GSK3B: variants seen among roughly 807,000 people sequenced by gnomAD.
The protein encoded by GSK3B is glycogen synthase kinase 3 beta.
Under a neutral mutation model 56.4 loss-of-function variants are expected in GSK3B, and 15 were observed. The observed-to-expected ratio is 0.27, with a 90% CI of 0.18 to 0.41. GSK3B has a LOEUF of 0.41. Ranked by LOEUF, GSK3B falls within the 10% of genes least tolerant of loss-of-function variation. GSK3B has a pLI of 1.00. For synonymous variants in GSK3B, 181 were observed against 188.9 expected (o/e 0.96, Z 0.34); for missense variants, 300 against 513.4 (o/e 0.58, Z 4.02).
At chr3:119,882,632 C>A (rs1336350371) in intron 7 of GSK3B, among the ~76,000 whole-genome samples, 2 of 152,138 alleles carry the variant, frequency 1.3e-5, no homozygotes, top group Non-Finnish European at 1.5e-5. Context: ...ATGTTTTTTA[C>A]ATACCTTGAA....
chr3:120,060,661 G>A (rs1576302868), intron 1 of GSK3B, among the ~76,000 whole-genome samples: 1 of 152,144 alleles, frequency 6.6e-6, no homozygotes, highest in African/African-American at 2.4e-5. Context: ...GGGAGATAAA[G>A]AATGCAGTGA....
rs141933496 is a variant in GSK3B, at chr3:119,823,518, G to GGA, written c.*3268_*3269dup. ...ATTTGGGAGGGAAGTAGATAAAAGA[G>GGA]GAGAGAGAGAGAGCATGGAAGGCTC... On this transcript the variant is annotated 3_prime_UTR_variant, in exon 11 of 11. Coordinates refer to ENST00000264235, the MANE Select transcript of GSK3B (RefSeq NM_001146156.2). The GGA allele has an allele frequency of 0.015, 2,770 of 189,438 alleles. 75 individuals are homozygous for GGA. The highest frequency in any genetic ancestry group is 0.06 in the African/African-American group (2,571 of 42,950). The allele number at this position is 189,438 out of a possible 1,614,324, so 11.7% of individuals were successfully genotyped here.
At position 119,830,546 on chromosome 3, in the gene GSK3B, G is replaced by A. The variant is rs562678550; in HGVS notation, c.1196-3691C>T. 2.0e-5 allele frequency among the ~76,000 whole-genome samples: 3 copies of A among 152,126 alleles called. No individual in the cohort carries two copies. The South Asian group carries it at 6.2e-4, about 32-fold the overall frequency. On this transcript the variant is annotated intron_variant, in intron 10 of 10. Transcript: ENST00000264235. ...TTACTTCTCCTTACATTCCCTTCCC[G>A]TTACATATGCACTGGTAAAGTGACG...
chr3:119,979,944 G>A (rs904466660), intron 2 of GSK3B, among the ~76,000 whole-genome samples: 6 of 152,024 alleles, frequency 3.9e-5, no homozygotes, highest in Admixed American at 1.3e-4. Flanking sequence ...TGTTCTTCAA[G>A]GGCCTCACCT....
At chr3:119,973,505 A>G (rs892379744) in intron 2 of GSK3B, among the ~76,000 whole-genome samples, 4 of 152,166 alleles carry the variant, frequency 2.6e-5, no homozygotes, top group African/African-American at 9.7e-5. Context: ...TCCTACTGGC[A>G]TATGGTTAGA....
rs1449906106 is a variant in GSK3B at position 120,026,548 on chromosome 3, CACACAA to C, written c.89-24315_89-24310del. 3.6e-3 allele frequency among the ~76,000 whole-genome samples: 491 copies of C among 137,446 alleles called. 2 individuals carry two copies. The highest frequency in any genetic ancestry group is 0.014 in the African/African-American group (442 of 31,310). The allele number at this position is 137,446 out of a possible 152,430, so 90.2% of individuals were successfully genotyped here. Reference sequence around the variant, plus strand: ...ACACACACACACACACACACACACACACACAAACACACACACACTCTTTTTTTTTTT... The same window carrying C: ...ACACACACACACACACACACACACACACACACACACACTCTTTTTTTTTTT... On this transcript the variant is annotated intron_variant, in intron 1 of 10. Transcript: ENST00000264235.
intron 4 of GSK3B, among the ~76,000 whole-genome samples, chr3:119,917,660 T>C (rs1246117744): frequency 1.5e-5 from 2 of 133,998 alleles, no homozygotes; most frequent in Non-Finnish European, 3.1e-5. Context: ...ACGAGTTTTC[T>C]TTTTTTTTTT....
At chr3:120,056,187 T>C (rs1423895936) in intron 1 of GSK3B, among the ~76,000 whole-genome samples, 2 of 152,258 alleles carry the variant, frequency 1.3e-5, no homozygotes, top group African/African-American at 4.8e-5. Flanking sequence ...TCATTAAAAA[T>C]GTTAACATGT....
chr3:120,005,268 G>A (rs985392414), intron 1 of GSK3B, among the ~76,000 whole-genome samples: 1 of 152,046 alleles, frequency 6.6e-6, no homozygotes, highest in African/African-American at 2.4e-5. Context: ...CAAGAAATAC[G>A]GCATTATGTG....
chr3:120,024,824 A>G (rs779828681), intron 1 of GSK3B, among the ~76,000 whole-genome samples: 7 of 152,110 alleles, frequency 4.6e-5, no homozygotes, highest in Non-Finnish European at 4.4e-5. Context: ...GAGGGAAGCA[A>G]TGGAGTGGGA....
intron 1 of GSK3B, among the ~76,000 whole-genome samples, chr3:120,045,970 C>T (rs2058099053): frequency 6.6e-6 from 1 of 152,092 alleles, no homozygotes; most frequent in Non-Finnish European, 1.5e-5. Flanking sequence ...AGTGAAAGAA[C>T]CACGTCTAAA....
At chr3:119,827,378 A>G (rs953522555) in intron 10 of GSK3B, among the ~76,000 whole-genome samples, 1 of 148,636 alleles carries the variant, frequency 6.7e-6, no homozygotes, top group African/African-American at 2.6e-5. Context: ...CAGCAACTGC[A>G]GTACCAATTC....
intron 2 of GSK3B, among the ~76,000 whole-genome samples, chr3:119,985,087 A>C (rs1164595809): frequency 6.6e-6 from 1 of 152,182 alleles, no homozygotes; most frequent in Non-Finnish European, 1.5e-5. Context: ...CAAAGACAAA[A>C]ACCACATGAT....
intron 3 of GSK3B, among the ~76,000 whole-genome samples, chr3:119,944,085 G>A (rs1327673620): frequency 6.6e-6 from 1 of 152,148 alleles, no homozygotes; most frequent in Non-Finnish European, 1.5e-5. Flanking sequence ...TGCATTTTAA[G>A]TCATCTATTC....
intron 2 of GSK3B, among the ~76,000 whole-genome samples, chr3:119,974,401 G>A (rs1487597510): frequency 6.6e-6 from 1 of 152,074 alleles, no homozygotes; most frequent in Non-Finnish European, 1.5e-5. Flanking sequence ...ATCATGCTAT[G>A]AGGACTCTGA....
At chr3:119,887,475 T>C (rs572855355) in intron 7 of GSK3B, among the ~76,000 whole-genome samples, 5 of 151,936 alleles carry the variant, frequency 3.3e-5, no homozygotes, top group South Asian at 2.1e-4. Flanking sequence ...CAAATGGAAA[T>C]TGTACAGTTA....
intron 1 of GSK3B, among the ~76,000 whole-genome samples, chr3:120,050,534 G>A (rs1274152709): frequency 6.6e-5 from 10 of 152,204 alleles, no homozygotes; most frequent in Non-Finnish European, 8.8e-5. Flanking sequence ...TAGACTTGAA[G>A]AATGACTACT....
At chr3:119,884,041 C>G (rs549585557) in intron 7 of GSK3B, among the ~76,000 whole-genome samples, 4 of 152,184 alleles carry the variant, frequency 2.6e-5, no homozygotes, top group Non-Finnish European at 4.4e-5. Context: ...GTGGCTGTGA[C>G]AGTGTATAAC....
At chr3:120,080,035 C>T (rs1460885102) in intron 1 of GSK3B, among the ~76,000 whole-genome samples, 1 of 152,164 alleles carries the variant, frequency 6.6e-6, no homozygotes, top group East Asian at 1.9e-4. Context: ...TGGCACACAC[C>T]TGCAATCCCA....
Sources: allele counts gnomAD v4.1 joint callset (sites outside exome capture counted in the v4.1 genomes callset), GRCh38; gene constraint gnomAD v4.1.1; transcripts MANE v1.5; gene names NCBI Gene and HGNC (gene_info 2026-07-23, HGNC 2026-07-21).